TEC: variants seen among roughly 807,000 people sequenced by gnomAD.
TEC encodes the protein tec protein tyrosine kinase, also known as tyrosine-protein kinase Tec.
TEC carries 72 observed loss-of-function variants against 93.0 expected under a neutral mutation model. That is an observed-to-expected ratio of 0.77 (90% CI 0.64 to 0.94). The LOEUF is 0.94. TEC is among the 40% of genes least tolerant of loss of function. The pLI, the probability that TEC is intolerant of heterozygous loss-of-function variation, is 0.00. For synonymous variants in TEC, 249 were observed against 247.7 expected, an observed-to-expected ratio of 1.01 and a Z score of -0.05; for missense variants, 630 against 757.9, an observed-to-expected ratio of 0.83 and a Z score of 1.98.
Position 48,223,974 on chromosome 4 carries a change from G to A in TEC, c.138+4503C>T, listed in dbSNP as rs114813851. On this transcript the variant is annotated intron_variant, in intron 2 of 17. Transcript: ENST00000381501. ...CTGGAGGAATTATGCACATCCTCTG[G>A]GACTCTACTAGGATAAGATTCTTGG... Among the ~76,000 whole-genome samples, 615 of 152,256 alleles carry A rather than the reference G, an allele frequency of 4.0e-3. 4 individuals carry two copies. The highest frequency in any genetic ancestry group is 0.014 in the African/African-American group (593 of 41,520).
intron 8 of TEC, among the ~76,000 whole-genome samples, chr4:48,158,932 A>G (rs1296566594): frequency 3.2e-4 from 48 of 152,184 alleles, no homozygotes; most frequent in Admixed American, 3.1e-3. Context: ...TGGGATATCA[A>G]TTCAGACCTT....
chr4:48,220,633 TAAAC>T (rs1723229061), intron 2 of TEC, among the ~76,000 whole-genome samples: 3 of 152,208 alleles, frequency 2.0e-5, no homozygotes, highest in Admixed American at 2.0e-4. Context: ...GTGAGCTAAA[TAAAC>T]CTCTTTTATT....
rs1553892128 is a variant in TEC, at chr4:48,212,110, A to ATATATATAT, written c.138+16366_138+16367insATATATATA. Among the ~76,000 whole-genome samples, 243 of 122,226 alleles carry ATATATATAT rather than the reference A, an allele frequency of 2.0e-3. 5 individuals carry two copies. The highest frequency in any genetic ancestry group is 2.5e-3 in the Non-Finnish European group (150 of 59,516). 80.2% of individuals were successfully genotyped at this position (122,226 alleles called of 152,430 possible). ...TGAGACTCTGTCTCAAAAAAAAAAA[A>ATATATATAT]ATATATATATATATATATATATGTA... On this transcript the variant is annotated intron_variant, in intron 2 of 17. Coordinates refer to ENST00000381501, the MANE Select transcript of TEC (RefSeq NM_003215.3).
intron 7 of TEC, among the ~76,000 whole-genome samples, chr4:48,166,083 T>A (rs1174716632): frequency 1.3e-5 from 2 of 152,212 alleles, no homozygotes; most frequent in Non-Finnish European, 2.9e-5. Context: ...CAAATTGTGC[T>A]GGCTGGCCAT....
intron 8 of TEC, among the ~76,000 whole-genome samples, chr4:48,160,315 T>C (rs563793572): frequency 1.3e-5 from 2 of 152,290 alleles, no homozygotes; most frequent in South Asian, 2.1e-4. Flanking sequence ...CCTACTGTTA[T>C]GCTAATCAAT....
intron 1 of TEC, among the ~76,000 whole-genome samples, chr4:48,249,280 A>T (rs1298444651): frequency 6.6e-6 from 1 of 152,216 alleles, no homozygotes; most frequent in African/African-American, 2.4e-5. Flanking sequence ...ACCTGGGCTG[A>T]GCTAAATAGG....
At chr4:48,139,962 A>G (rs1719592291) in intron 15 of TEC, among the ~76,000 whole-genome samples, 1 of 152,232 alleles carries the variant, frequency 6.6e-6, no homozygotes, top group South Asian at 2.1e-4. Flanking sequence ...TTTAGGGTAT[A>G]AAGAGGTTTT....
chr4:48,156,542 C>T (rs1560379595), intron 9 of TEC, 138 bp downstream of exon 9: 3 of 662,704 alleles, frequency 4.5e-6, no homozygotes, highest in Non-Finnish European at 4.9e-6. Context: ...TCTCAGCTCC[C>T]TCAGCCTCTG....
chr4:48,225,060 A>G (rs1234179766), intron 2 of TEC, among the ~76,000 whole-genome samples: 9 of 152,226 alleles, frequency 5.9e-5, no homozygotes, highest in Admixed American at 5.9e-4. Context: ...TTATTTCTGA[A>G]TGGCCCCTGT....
chr4:48,178,879 A>G (rs1577725860), intron 2 of TEC, among the ~76,000 whole-genome samples: 1 of 152,036 alleles, frequency 6.6e-6, no homozygotes, highest in Non-Finnish European at 1.5e-5. Context: ...TCATTTCTTT[A>G]CCACCCACTC....
At chr4:48,213,727 G>A (rs1197057465) in intron 2 of TEC, among the ~76,000 whole-genome samples, 1 of 152,122 alleles carries the variant, frequency 6.6e-6, no homozygotes, top group Non-Finnish European at 1.5e-5. Flanking sequence ...TTATAATAAT[G>A]TCCACATCTA....
intron 2 of TEC, among the ~76,000 whole-genome samples, chr4:48,202,489 C>T (rs1577632392): frequency 1.3e-5 from 2 of 152,160 alleles, no homozygotes; most frequent in Admixed American, 1.3e-4. Flanking sequence ...TTGCTTGAAT[C>T]CAGGAGGCAG....
intron 3 of TEC, among the ~76,000 whole-genome samples, chr4:48,175,152 G>C (rs962765481): frequency 3.9e-5 from 6 of 152,224 alleles, no homozygotes; most frequent in African/African-American, 1.4e-4. Flanking sequence ...TCCTCCATTT[G>C]TGATGTTGCC....
At chr4:48,184,166 T>C (rs775946542) in intron 2 of TEC, among the ~76,000 whole-genome samples, 22 of 152,210 alleles carry the variant, frequency 1.4e-4, no homozygotes, top group Non-Finnish European at 2.6e-4. Context: ...ACATGAGAAT[T>C]ACTGTCACCC....
chr4:48,174,723 A>G (rs2109553537), intron 3 of TEC, among the ~76,000 whole-genome samples: 1 of 152,164 alleles, frequency 6.6e-6, no homozygotes, highest in South Asian at 2.1e-4. Flanking sequence ...TTATATATGC[A>G]TTAAACATAC....
rs1719545755 is a variant in TEC at position 48,138,917 on chromosome 4, A to T, written c.1641T>A (p.Asp547Glu). 6.2e-7 allele frequency: 1 copy of T among 1,614,128 alleles called. No homozygotes were observed. Among genetic ancestry groups the T allele is most frequent in the African/African-American group, 1.3e-5 (1 of 74,940 alleles). ...CATGGATCTTACCAAATGACCAGAC[A>T]TCTGATTTGCTGCTGAAGCGGCTGT... Reference protein sequence around the residue: ...FNYSRFSSKSDVWSFGVLMWE... With the variant: ...FNYSRFSSKSEVWSFGVLMWE... The change falls in exon 16 of 18, where the codon GAT becomes GAA. Residue 547 changes from aspartate (D) to glutamate (E), a missense_variant. By Grantham distance (45) the Asp-to-Glu change is conservative. Coordinates refer to ENST00000381501, the MANE Select transcript of TEC (RefSeq NM_003215.3).
intron 2 of TEC, among the ~76,000 whole-genome samples, chr4:48,185,139 A>G (rs934109457): frequency 6.6e-6 from 1 of 152,238 alleles, no homozygotes; most frequent in Non-Finnish European, 1.5e-5. Context: ...TCATATTTAC[A>G]ATGAAAGTTC....
rs183014273 is a variant in TEC, at chr4:48,235,751, A to T, written c.-45-7092T>A. On this transcript the variant is annotated intron_variant, in intron 1 of 17. Transcript: ENST00000381501. ...ATGGAATTACTATTCACACAGAAAA[A>T]TAATAAAAAATCATTATCATTATCA... Among the ~76,000 whole-genome samples, 355 of 152,338 alleles carry T rather than the reference A, an allele frequency of 2.3e-3. 3 individuals are homozygous for T. Among genetic ancestry groups the T allele is most frequent in the Admixed American group, 4.4e-3 (68 of 15,300 alleles).
chr4:48,250,022 A>T (rs982707327), intron 1 of TEC, among the ~76,000 whole-genome samples: 1 of 152,174 alleles, frequency 6.6e-6, no homozygotes, highest in East Asian at 1.9e-4. Flanking sequence ...TAGGCTGATA[A>T]CTCCAAAATC....
Sources: allele counts gnomAD v4.1 joint callset (sites outside exome capture counted in the v4.1 genomes callset), GRCh38; gene constraint gnomAD v4.1.1; transcripts MANE v1.5; gene names NCBI Gene and HGNC (gene_info 2026-07-23, HGNC 2026-07-21).